AUTS2: variants seen among roughly 807,000 people sequenced by gnomAD.
The protein encoded by AUTS2 is activator of transcription and developmental regulator AUTS2.
AUTS2 carries 17 observed loss-of-function variants against 112.4 expected under a neutral mutation model. The ratio of observed to expected loss-of-function variants is 0.15; its 90% CI spans 0.10 to 0.23. AUTS2 has a LOEUF of 0.23. Ranked by LOEUF, AUTS2 falls within the 10% of genes least tolerant of loss-of-function variation. The pLI is 1.00. For synonymous variants in AUTS2, 751 were observed against 702.7 expected (o/e 1.07, Z -1.09); for missense variants, 1,510 against 1,701.6 (o/e 0.89, Z 1.98).
In AUTS2 at chr7:69,621,035, T is replaced by A. The variant is rs189707984; in HGVS notation, c.309+21073T>A. On this transcript the variant is annotated intron_variant, in intron 1 of 18. Transcript: ENST00000342771. ...GACATGAAAGTACTTAATTGTCAAC[T>A]TCGTCTTCACCATAAGCCCAGTATT... is the stretch of plus-strand genomic sequence containing the variant. Among the ~76,000 whole-genome samples, 6 of 152,354 alleles carry A rather than the reference T, an allele frequency of 3.9e-5. No individual in the cohort carries two copies. The East Asian group carries it at 1.2e-3, about 29-fold the overall frequency.
intron 5 of AUTS2, among the ~76,000 whole-genome samples, chr7:70,527,541 T>TA (rs1381312491): frequency 6.6e-6 from 1 of 152,160 alleles, no homozygotes; most frequent in Non-Finnish European, 1.5e-5. Flanking sequence ...AAAGGAGCCG[T>TA]ACTTCACCCC....
At chr7:70,046,069 C>T (rs1801491674) in intron 2 of AUTS2, among the ~76,000 whole-genome samples, 1 of 151,954 alleles carries the variant, frequency 6.6e-6, no homozygotes, top group African/African-American at 2.4e-5. Context: ...TATTAATAAC[C>T]AAAATTAGCA....
At chr7:70,374,341 C>A (rs1585072324) in intron 4 of AUTS2, among the ~76,000 whole-genome samples, 1 of 152,122 alleles carries the variant, frequency 6.6e-6, no homozygotes, top group Non-Finnish European at 1.5e-5. Context: ...GGTTTCTTAA[C>A]CACAAAACCT....
intron 2 of AUTS2, among the ~76,000 whole-genome samples, chr7:70,022,905 G>A (rs1189404917): frequency 6.6e-6 from 1 of 152,008 alleles, no homozygotes; most frequent in African/African-American, 2.4e-5. Context: ...AGGCCGGAGT[G>A]CAGTGGCATG....
At chr7:70,055,958 A>G (rs1357930534) in intron 2 of AUTS2, among the ~76,000 whole-genome samples, 1 of 151,982 alleles carries the variant, frequency 6.6e-6, no homozygotes, top group African/African-American at 2.4e-5. Context: ...TGCTGAGATT[A>G]TAGGCGTGAG....
rs148770120 is a variant in AUTS2, at chr7:70,170,896, G to A, written c.660+36325G>A. On this transcript the variant is annotated intron_variant, in intron 4 of 18. Coordinates refer to ENST00000342771, the MANE Select transcript of AUTS2 (RefSeq NM_015570.4). ...GCTGGGATTACAGGTGTGAGCCACC[G>A]CCCCCGGCCGGGGCACATTGCCTTT... is the stretch of plus-strand genomic sequence containing the variant. Among the ~76,000 whole-genome samples the A allele has an allele frequency of 4.4e-3, 666 of 152,222 alleles. 6 individuals carry two copies. Among genetic ancestry groups the A allele is most frequent in the Admixed American group, 8.0e-3 (122 of 15,290 alleles).
At chr7:70,786,605 C>T (rs1405539986) in intron 17 of AUTS2, among the ~76,000 whole-genome samples, 4 of 152,152 alleles carry the variant, frequency 2.6e-5, no homozygotes, top group African/African-American at 4.8e-5. Flanking sequence ...ACGTTCTAAA[C>T]ATTAGTGTTT....
At chr7:69,728,732 A>T (rs1007429709) in intron 1 of AUTS2, among the ~76,000 whole-genome samples, 17 of 141,420 alleles carry the variant, frequency 1.2e-4, no homozygotes, top group African/African-American at 4.3e-4. Flanking sequence ...TTGAAAAGAG[A>T]GGTTGGAACT....
At chr7:70,753,644 A>C (rs1426238425) in intron 6 of AUTS2, among the ~76,000 whole-genome samples, 6 of 152,206 alleles carry the variant, frequency 3.9e-5, no homozygotes, top group Admixed American at 3.9e-4. Flanking sequence ...GAGGAAAATA[A>C]AGTGAAGTGT....
chr7:70,724,236 C>T lies in AUTS2; in HGVS notation c.742+25616C>T, dbSNP rs55741329. Among the ~76,000 whole-genome samples the T allele has an allele frequency of 2.6e-3, 402 of 152,110 alleles. 4 individuals are homozygous for T. Among genetic ancestry groups the T allele is most frequent in the African/African-American group, 9.5e-3 (393 of 41,504 alleles). ...GAAGATGTGGCTGTGATTTTGCAGG[C>T]ACATATATACCTTTAGGTGTTTTCA... is the stretch of plus-strand genomic sequence containing the variant. On this transcript the variant is annotated intron_variant, in intron 6 of 18. Coordinates refer to ENST00000342771, the MANE Select transcript of AUTS2 (RefSeq NM_015570.4).
At chr7:69,933,660 T>C in intron 2 of AUTS2, among the ~76,000 whole-genome samples, 1 of 149,874 alleles carries the variant, frequency 6.7e-6, no homozygotes, top group Non-Finnish European at 1.5e-5. Context: ...CCTTCCTTTT[T>C]TTGTTTTTTG....
At chr7:69,942,804 T>A (rs1418678562) in intron 2 of AUTS2, among the ~76,000 whole-genome samples, 1 of 152,258 alleles carries the variant, frequency 6.6e-6, no homozygotes, top group Non-Finnish European at 1.5e-5. Context: ...GACTTGTGTC[T>A]AAAGCTATCA....
At chr7:70,384,879 T>C (rs143261158) in intron 4 of AUTS2, among the ~76,000 whole-genome samples, 2 of 152,158 alleles carry the variant, frequency 1.3e-5, no homozygotes, top group East Asian at 3.9e-4. Context: ...TTGAACCGAG[T>C]GTGAAGGGGC....
intron 4 of AUTS2, among the ~76,000 whole-genome samples, chr7:70,180,335 C>T (rs576100650): frequency 1.3e-5 from 2 of 152,228 alleles, no homozygotes; most frequent in Non-Finnish European, 2.9e-5. Context: ...GAATGTAGTA[C>T]AGAATTCAAT....
chr7:70,614,465 G>T (rs1176109957), intron 5 of AUTS2, among the ~76,000 whole-genome samples: 1 of 152,160 alleles, frequency 6.6e-6, no homozygotes, highest in Non-Finnish European at 1.5e-5. Flanking sequence ...TGCTCACGAT[G>T]GTGCTAAGTG....
chr7:70,470,913 C>T (rs1030296803), intron 5 of AUTS2, among the ~76,000 whole-genome samples: 3 of 152,218 alleles, frequency 2.0e-5, no homozygotes, highest in African/African-American at 4.8e-5. Context: ...TTTCAGCCTG[C>T]GAACTTCCTG....
intron 4 of AUTS2, among the ~76,000 whole-genome samples, chr7:70,284,807 T>C (rs1207646194): frequency 6.6e-6 from 1 of 152,176 alleles, no homozygotes; most frequent in Non-Finnish European, 1.5e-5. Flanking sequence ...TCTCCAGCAC[T>C]GGAAAGGAAG....
intron 1 of AUTS2, among the ~76,000 whole-genome samples, chr7:69,791,724 C>T (rs1311625025): frequency 1.3e-5 from 2 of 152,192 alleles, no homozygotes; most frequent in African/African-American, 2.4e-5. Flanking sequence ...TGACTATAGT[C>T]TCTCCCTTTA....
At chr7:70,535,043 A>G (rs1254317919) in intron 5 of AUTS2, among the ~76,000 whole-genome samples, 4 of 152,126 alleles carry the variant, frequency 2.6e-5, no homozygotes, top group African/African-American at 7.2e-5. Flanking sequence ...ATAAAAAAAA[A>G]AAAAAAAAGA....
Sources: gnomAD v4.1 joint callset for allele counts (sites outside exome capture counted in the v4.1 genomes callset) on GRCh38, gnomAD v4.1.1 for gene constraint, MANE v1.5 for transcripts, NCBI Gene and HGNC (gene_info 2026-07-23, HGNC 2026-07-21) for gene names.